GLRA1: variants seen among roughly 807,000 people sequenced by gnomAD.
GLRA1 encodes the protein glycine receptor alpha 1, also known as glycine receptor subunit alpha-1.
GLRA1 carries 37 observed loss-of-function variants against 48.3 expected under a neutral mutation model. The ratio of observed to expected loss-of-function variants is 0.77; its 90% confidence interval spans 0.59 to 1.01. The LOEUF is 1.01. Ranked by LOEUF, GLRA1 falls within the 50% of genes least tolerant of loss-of-function variation. The pLI is 0.00. For synonymous variants in GLRA1, 196 were observed against 210.7 expected (o/e 0.93, Z 0.60); for missense variants, 427 against 571.0 (o/e 0.75, Z 2.57).
intron 8 of GLRA1, among the ~76,000 whole-genome samples, chr5:151,827,931 CATTT>C (rs1011344949): frequency 1.3e-5 from 2 of 152,104 alleles, no homozygotes. Flanking sequence ...TCCCTTTGTT[CATTT>C]GTTTAACAAA....
intron 3 of GLRA1, 24 bp downstream of exon 3, chr5:151,886,697 C>G (rs1352477857): frequency 2.0e-6 from 3 of 1,524,946 alleles, no homozygotes; most frequent in Non-Finnish European, 2.7e-6. Context: ...CAGGAACTAA[C>G]AGCTTGTGTT....
At chr5:151,874,288 T>G (rs1418169808) in intron 3 of GLRA1, among the ~76,000 whole-genome samples, 1 of 152,208 alleles carries the variant, frequency 6.6e-6, no homozygotes, top group Non-Finnish European at 1.5e-5. Context: ...ACTTATTGGT[T>G]ATTATGTTCA....
chr5:151,856,501 T>C (rs1423974470), intron 4 of GLRA1, 118 bp from the exon 5 acceptor site: 2 of 688,862 alleles, frequency 2.9e-6, no homozygotes, highest in Non-Finnish European at 2.7e-6. Flanking sequence ...GTCAGGGAAC[T>C]TGTGTTTGTT....
At chr5:151,886,587 T>C in intron 3 of GLRA1, 134 bp downstream of exon 3, 1 of 726,298 alleles carries the variant, frequency 1.4e-6, no homozygotes, top group East Asian at 2.6e-5. Context: ...CCGAGCCTCA[T>C]GGTATACCAC....
chr5:151,850,852 T>G, intron 7 of GLRA1: 1 of 674,894 alleles, frequency 1.5e-6, no homozygotes, highest in Non-Finnish European at 2.8e-6. Context: ...CTCCAACTCT[T>G]CCCCCTCTCC....
rs181121631 is a variant in GLRA1, at chr5:151,840,742, A to C, written c.912+10648T>G. ...TATACCAACATCAGAAAAAAAAAAA[A>C]CCCACAAACAAACCAGTCTTTAAGA... On this transcript the variant is annotated intron_variant, in intron 7 of 8. Transcript: ENST00000274576. Among the ~76,000 whole-genome samples the C allele has an allele frequency of 8.5e-3, 1,290 of 151,244 alleles. 17 individuals are homozygous for C. The highest frequency in any genetic ancestry group is 0.03 in the African/African-American group (1,234 of 41,346).
chr5:151,864,659 C>T (rs1211800400), intron 3 of GLRA1, among the ~76,000 whole-genome samples: 1 of 152,192 alleles, frequency 6.6e-6, no homozygotes, highest in Admixed American at 6.5e-5. Flanking sequence ...ACTTGATGCC[C>T]CAGGCTTCCC....
intron 2 of GLRA1, among the ~76,000 whole-genome samples, chr5:151,889,754 T>C (rs549202707): frequency 6.6e-6 from 1 of 152,152 alleles, no homozygotes; most frequent in African/African-American, 2.4e-5. Context: ...TTTTAGGGAA[T>C]CTGATTTGTG....
chr5:151,824,152 ATTTG>A (rs1763214897), intron 8 of GLRA1, among the ~76,000 whole-genome samples: 1 of 150,282 alleles, frequency 6.7e-6, no homozygotes, highest in African/African-American at 2.5e-5. Context: ...CCACCTTCTG[ATTTG>A]TTTGTTTTGT....
At position 151,895,625 on chromosome 5, in the gene GLRA1, C is replaced by CTGTGTG. The variant is rs67871185; in HGVS notation, c.57-3193_57-3188dup. On this transcript the variant is annotated intron_variant, in intron 1 of 8. Coordinates refer to ENST00000274576, the MANE Select transcript of GLRA1 (RefSeq NM_000171.4). ...CTCTTGCAGCATGGTGTGTGTGTGT[C>CTGTGTG]TGTGTGTGTGTGTGTGTGTGTGTGT... Among the ~76,000 whole-genome samples the CTGTGTG allele has an allele frequency of 7.1e-3, 1,046 of 146,684 alleles. 10 individuals are homozygous for CTGTGTG. The highest frequency in any genetic ancestry group is 0.023 in the African/African-American group (910 of 39,912).
chr5:151,842,951 A>G (rs1205949480), intron 7 of GLRA1, among the ~76,000 whole-genome samples: 2 of 152,234 alleles, frequency 1.3e-5, no homozygotes, highest in African/African-American at 2.4e-5. Context: ...GACTAGAATG[A>G]ATAATTTAAA....
intron 1 of GLRA1, among the ~76,000 whole-genome samples, chr5:151,895,743 A>G (rs1322167015): frequency 6.6e-6 from 1 of 151,790 alleles, no homozygotes; most frequent in Non-Finnish European, 1.5e-5. Context: ...ATGGCTGGAA[A>G]ACCCTCCCAG....
intron 3 of GLRA1, among the ~76,000 whole-genome samples, chr5:151,868,660 T>C (rs952645861): frequency 1.3e-5 from 2 of 152,238 alleles, no homozygotes; most frequent in African/African-American, 4.8e-5. Flanking sequence ...CTGGCTGCTA[T>C]GACGTACCTG....
intron 7 of GLRA1, among the ~76,000 whole-genome samples, chr5:151,835,528 T>C (rs1465290629): frequency 2.6e-5 from 4 of 152,298 alleles, no homozygotes; most frequent in Middle Eastern, 6.8e-3. Context: ...TTCAGACCAA[T>C]ATCCTTGATG....
chr5:151,857,684 T>G (rs1361245552), intron 4 of GLRA1, among the ~76,000 whole-genome samples: 1 of 152,188 alleles, frequency 6.6e-6, no homozygotes, highest in Non-Finnish European at 1.5e-5. Flanking sequence ...AGCTGTTTAT[T>G]TTGGTTGTTC....
chr5:151,831,136 C>T (rs1763411568), intron 7 of GLRA1, among the ~76,000 whole-genome samples: 1 of 152,252 alleles, frequency 6.6e-6, no homozygotes, highest in African/African-American at 2.4e-5. Flanking sequence ...ACTCTTTTCC[C>T]AGTGTCTTTG....
At chr5:151,848,936 A>G in intron 7 of GLRA1, 1 of 711,854 alleles carries the variant, frequency 1.4e-6, no homozygotes, top group Non-Finnish European at 2.7e-6. Context: ...GCAGGTGTAC[A>G]TGTCCCTGTC....
rs559423771 is a variant in GLRA1 at position 151,838,792 on chromosome 5, C to T, written c.913-9725G>A. On this transcript the variant is annotated intron_variant, in intron 7 of 8. Transcript: ENST00000274576. ...ATTTGATTAAAAATAGTAATCTATACATCTAAGAAGCACAGGGAAATCCAA... is the reference window on the plus strand; with the variant it reads ...ATTTGATTAAAAATAGTAATCTATATATCTAAGAAGCACAGGGAAATCCAA... 2.6e-5 allele frequency among the ~76,000 whole-genome samples: 4 copies of T among 152,308 alleles called. No homozygotes were observed. The East Asian group carries it at 7.7e-4, about 29-fold the overall frequency.
At chr5:151,884,300 A>T (rs1302642250) in intron 3 of GLRA1, among the ~76,000 whole-genome samples, 1 of 152,068 alleles carries the variant, frequency 6.6e-6, no homozygotes, top group African/African-American at 2.4e-5. Flanking sequence ...CTGGTGGTGC[A>T]TGTCTGTAAT....
Sources: allele counts gnomAD v4.1 joint callset (sites outside exome capture counted in the v4.1 genomes callset), GRCh38; gene constraint gnomAD v4.1.1; transcripts MANE v1.5; gene names NCBI Gene and HGNC (gene_info 2026-07-23, HGNC 2026-07-21).